The following ERC2 variants were observed in gnomAD, a reference collection of about 807,000 sequenced individuals.
The protein encoded by ERC2 is ERC protein 2.
A neutral mutation model predicts 114.8 loss-of-function variants in ERC2; 42 were observed. The ratio of observed to expected loss-of-function variants is 0.37; its 90% CI spans 0.29 to 0.47. The LOEUF is 0.47. Among genes scored for constraint, ERC2 ranks in the 20% least tolerant of loss-of-function variants. The probability of loss-of-function intolerance (pLI) is 0.99; values close to 1 mark genes in which losing one functional copy is unlikely to be tolerated. For synonymous variants in ERC2, 454 were observed against 425.5 expected (o/e 1.07, Z -0.82); for missense variants, 939 against 1,150.7 (o/e 0.82, Z 2.66).
intron 7 of ERC2, among the ~76,000 whole-genome samples, chr3:56,067,424 C>T (rs988908294): frequency 6.6e-6 from 1 of 152,146 alleles, no homozygotes; most frequent in African/African-American, 2.4e-5. Flanking sequence ...GCTGAAGTTG[C>T]TTATCACCTT....
chr3:55,621,865 G>A lies in ERC2; in HGVS notation c.*39+61929C>T, dbSNP rs1407664482. On this transcript the variant is annotated intron_variant, in intron 17 of 17. Coordinates refer to ENST00000288221, the MANE Select transcript of ERC2 (RefSeq NM_015576.3). ...GATACGTGGAAAATGCCAGGCAGGT[G>A]AGTGTTCCAGAGCATCACATCCCTG... Among the ~76,000 whole-genome samples, 3 of 152,294 alleles carry A rather than the reference G, an allele frequency of 2.0e-5. 1 individual carries two copies. Among genetic ancestry groups the A allele is most frequent in the East Asian group, 1.9e-4 (1 of 5,182 alleles).
At chr3:56,011,719 T>A (rs2072954953) in intron 8 of ERC2, among the ~76,000 whole-genome samples, 3 of 152,044 alleles carry the variant, frequency 2.0e-5, no homozygotes, top group Admixed American at 2.0e-4. Flanking sequence ...TATCTAAACT[T>A]CCTCTCGGAT....
At chr3:55,709,576 G>C (rs1189027883) in intron 15 of ERC2, among the ~76,000 whole-genome samples, 1 of 152,194 alleles carries the variant, frequency 6.6e-6, no homozygotes, top group Non-Finnish European at 1.5e-5. Flanking sequence ...CCTGAGAACT[G>C]TGGGAGGACG....
rs565461396 is a variant in ERC2 at position 56,090,699 on chromosome 3, T to C, written c.1474-9715A>G. On this transcript the variant is annotated intron_variant, in intron 6 of 17. Transcript: ENST00000288221. ...TTTTTTTAGATCTGGGTTTGTTACG[T>C]AATGGTGAGGTTTGGGTCTTCTAGA... Among the ~76,000 whole-genome samples the C allele has an allele frequency of 7.2e-5, 11 of 151,896 alleles. No individual in the cohort carries two copies. The East Asian group carries it at 1.6e-3, about 21-fold the overall frequency.
intron 17 of ERC2, among the ~76,000 whole-genome samples, chr3:55,604,674 G>C (rs77521636): frequency 0.022 from 3,314 of 152,270 alleles, 45 homozygotes; most frequent in Middle Eastern, 0.078. Context: ...AAGTACAAAG[G>C]GGACTGCCTG....
At chr3:56,452,719 A>G (rs1269285542) in intron 1 of ERC2, among the ~76,000 whole-genome samples, 1 of 152,186 alleles carries the variant, frequency 6.6e-6, no homozygotes, top group Non-Finnish European at 1.5e-5. Flanking sequence ...TCTCACATTT[A>G]TTATCTGTTT....
At chr3:56,139,802 A>G in intron 5 of ERC2, 126 bp from the exon 6 acceptor site, 1 of 1,069,386 alleles carries the variant, frequency 9.4e-7, no homozygotes, top group East Asian at 2.6e-5. Flanking sequence ...CAGGCCACGA[A>G]TTTGCTTAAA....
At chr3:56,252,995 T>C (rs1407570238) in intron 3 of ERC2, among the ~76,000 whole-genome samples, 1 of 152,106 alleles carries the variant, frequency 6.6e-6, no homozygotes, top group Non-Finnish European at 1.5e-5. Flanking sequence ...TGTAGCAACT[T>C]TCAGAGTACT....
chr3:56,195,587 T>G (rs1295758742), intron 3 of ERC2, among the ~76,000 whole-genome samples: 3 of 151,754 alleles, frequency 2.0e-5, no homozygotes, highest in African/African-American at 7.3e-5. Context: ...CCCAGCACTT[T>G]GGGGAGTAGA....
chr3:56,059,275 G>C (rs2076147644), intron 7 of ERC2, among the ~76,000 whole-genome samples: 1 of 151,952 alleles, frequency 6.6e-6, no homozygotes, highest in Non-Finnish European at 1.5e-5. Context: ...ATTTTTAGTA[G>C]AGACGGGGGT....
chr3:56,215,533 C>A (rs2049399995), intron 3 of ERC2, among the ~76,000 whole-genome samples: 1 of 152,126 alleles, frequency 6.6e-6, no homozygotes, highest in African/African-American at 2.4e-5. Context: ...GACTTCCACA[C>A]AAAAATAATG....
chr3:56,323,264 A>C (rs1362536966), intron 2 of ERC2, among the ~76,000 whole-genome samples: 1 of 152,224 alleles, frequency 6.6e-6, no homozygotes, highest in Admixed American at 6.5e-5. Flanking sequence ...TGTGTGATGA[A>C]AATGCCTGAG....
chr3:55,992,100 T>C lies in ERC2; in HGVS notation c.2212A>G (p.Asn738Asp), dbSNP rs2071109525. The stretch of plus-strand genomic sequence containing the variant: ...TTCTTGTCCTTGTCATTCTTCTCAT[T>C]CTCCACCTCCTTGAGGATCTCCAGC... ...RLLEILKEVE[N>D]EKNDKDKKIA... The change falls in exon 11 of 18, where the codon AAT (asparagine) becomes GAT (aspartate). Residue 738 changes from asparagine (N) to aspartate (D), a missense_variant. By Grantham distance (23) the Asn-to-Asp change is conservative. Coordinates refer to ENST00000288221, the MANE Select transcript of ERC2 (RefSeq NM_015576.3). 2 of 1,613,892 alleles carry C rather than the reference T, an allele frequency of 1.2e-6. No homozygotes were observed. The highest frequency in any genetic ancestry group is 1.7e-5 in the Admixed American group (1 of 60,000).
intron 14 of ERC2, among the ~76,000 whole-genome samples, chr3:55,768,424 G>C (rs1429305644): frequency 1.3e-5 from 2 of 152,192 alleles, no homozygotes; most frequent in Non-Finnish European, 2.9e-5. Context: ...GGATACAGTG[G>C]TGAACACAAA....
At chr3:56,065,675 T>C (rs2076441554) in intron 7 of ERC2, among the ~76,000 whole-genome samples, 1 of 152,158 alleles carries the variant, frequency 6.6e-6, no homozygotes, top group African/African-American at 2.4e-5. Flanking sequence ...CTATTTTTCC[T>C]GATGCTCTCC....
chr3:55,860,850 G>C (rs115729948), intron 14 of ERC2, among the ~76,000 whole-genome samples: 1 of 152,148 alleles, frequency 6.6e-6, no homozygotes, highest in Admixed American at 6.5e-5. Flanking sequence ...ATGACAGCAA[G>C]GAAGGGACTG....
chr3:55,624,509 T>C (rs2059437906), intron 17 of ERC2, among the ~76,000 whole-genome samples: 1 of 151,798 alleles, frequency 6.6e-6, no homozygotes, highest in East Asian at 1.9e-4. Context: ...AGAGAGGAAG[T>C]GGTGGATGGG....
intron 3 of ERC2, among the ~76,000 whole-genome samples, chr3:56,247,010 T>A (rs1028335185): frequency 6.6e-6 from 1 of 152,226 alleles, no homozygotes; most frequent in South Asian, 2.1e-4. Flanking sequence ...TAAAGTTTTA[T>A]TTTGCCCAAG....
rs530096482 is a variant in ERC2, at chr3:56,374,392, TGGCCCA to T, written c.657+59953_657+59958del. Among the ~76,000 whole-genome samples the T allele has an allele frequency of 1.7e-3, 259 of 152,344 alleles. 1 individual carries two copies. The highest frequency in any genetic ancestry group is 5.9e-3 in the African/African-American group (245 of 41,582). The stretch of plus-strand genomic sequence containing the variant: ...AATTACAGGCAAGAGCCACAGCGCC[TGGCCCA>T]GTGTTTGTTTTTAAACAATAAATAT... On this transcript the variant is annotated intron_variant, in intron 2 of 17. Coordinates refer to ENST00000288221, the MANE Select transcript of ERC2 (RefSeq NM_015576.3).
Sources: gnomAD v4.1 joint callset for allele counts (sites outside exome capture counted in the v4.1 genomes callset) on GRCh38, gnomAD v4.1.1 for gene constraint, MANE v1.5 for transcripts, NCBI Gene and HGNC (gene_info 2026-07-23, HGNC 2026-07-21) for gene names.